BCKDHB: variants seen among roughly 807,000 people sequenced by gnomAD.
BCKDHB encodes 2-oxoisovalerate dehydrogenase subunit beta, mitochondrial.
In BCKDHB, 41 loss-of-function variants were observed where a neutral mutation model predicts 48.5. The observed-to-expected ratio is 0.85, with a 90% CI of 0.66 to 1.10. The LOEUF is 1.10. BCKDHB is among the 50% of genes least tolerant of loss of function. The pLI, the probability that BCKDHB is intolerant of heterozygous loss-of-function variation, is 0.00. For synonymous variants in BCKDHB, 201 were observed against 174.8 expected (o/e 1.15, Z -1.18); for missense variants, 496 against 494.2 (o/e 1.00, Z -0.03).
chr6:80,447,875 A>T, the BCKDHB span, among the ~76,000 whole-genome samples: 2 of 152,168 alleles, frequency 1.3e-5, no homozygotes, highest in Non-Finnish European at 2.9e-5. Context: ...AGACATGGAA[A>T]CAAGTTTGGT....
chr6:80,250,353 T>G (rs1179089700), intron 8 of BCKDHB, among the ~76,000 whole-genome samples: 1 of 152,172 alleles, frequency 6.6e-6, no homozygotes, highest in Non-Finnish European at 1.5e-5. Context: ...AGTCCCAGCC[T>G]CTGTCTCAAT....
the BCKDHB span, chr6:80,373,973 C>A: frequency 3.5e-6 from 2 of 563,492 alleles, no homozygotes; most frequent in South Asian, 1.5e-5. Flanking sequence ...CATTCTGTGT[C>A]TTTTCTTTTT....
chr6:80,410,905 G>C, the BCKDHB span, among the ~76,000 whole-genome samples: 1 of 152,090 alleles, frequency 6.6e-6, no homozygotes, highest in Non-Finnish European at 1.5e-5. Context: ...CCTTTAGCTT[G>C]GAGAAGTTTG....
chr6:80,245,841 C>T (rs111790748), intron 8 of BCKDHB, among the ~76,000 whole-genome samples: 55 of 152,112 alleles, frequency 3.6e-4, no homozygotes, highest in African/African-American at 1.1e-3. Context: ...GTTGGGAGGC[C>T]GAGGCAGGTG....
intron 1 of BCKDHB, among the ~76,000 whole-genome samples, chr6:80,110,259 G>C (rs189444797): frequency 6.6e-6 from 1 of 152,276 alleles, no homozygotes; most frequent in East Asian, 1.9e-4. Context: ...GTCATTCTCT[G>C]CATTTTTATT....
At chr6:80,273,365 A>AT (rs931831898) in intron 9 of BCKDHB, 144 bp downstream of exon 9, 8 of 643,744 alleles carry the variant, frequency 1.2e-5, no homozygotes, top group African/African-American at 5.5e-5. Context: ...TGATAAGTAA[A>AT]TTTTTTTTCA....
chr6:80,150,060 T>C (rs1771695219), intron 3 of BCKDHB, among the ~76,000 whole-genome samples: 1 of 152,094 alleles, frequency 6.6e-6, no homozygotes, highest in Non-Finnish European at 1.5e-5. Context: ...TTTTCCCCCA[T>C]ATTCTTGGCT....
the BCKDHB span, among the ~76,000 whole-genome samples, chr6:80,407,008 A>G: frequency 6.6e-6 from 1 of 152,186 alleles, no homozygotes. Context: ...TTAAGTCTTT[A>G]ATCCATCTTG....
chr6:80,108,753 G>A (rs1769263357), intron 1 of BCKDHB, among the ~76,000 whole-genome samples: 1 of 151,950 alleles, frequency 6.6e-6, no homozygotes, highest in African/African-American at 2.4e-5. Context: ...CCAGCTACTC[G>A]GGAGGCTGAG....
chr6:80,134,975 C>A (rs1206783213), intron 3 of BCKDHB, among the ~76,000 whole-genome samples: 2 of 152,096 alleles, frequency 1.3e-5, no homozygotes, highest in East Asian at 3.9e-4. Flanking sequence ...TGGTCTCGAC[C>A]TCCTGACCTC....
chr6:80,410,326 T>G, the BCKDHB span, among the ~76,000 whole-genome samples: 1 of 152,360 alleles, frequency 6.6e-6, no homozygotes, highest in Admixed American at 6.5e-5. Flanking sequence ...ACTGTTAGTC[T>G]GATGGGCTTC....
At chr6:80,296,682 A>AAAC (rs1767270476) in intron 9 of BCKDHB, among the ~76,000 whole-genome samples, 1 of 152,152 alleles carries the variant, frequency 6.6e-6, no homozygotes, top group South Asian at 2.1e-4. Flanking sequence ...GATCAGTGCT[A>AAAC]TGAAAAACCT....
the BCKDHB span, among the ~76,000 whole-genome samples, chr6:80,384,032 T>A: frequency 1.0e-5 from 1 of 98,016 alleles, no homozygotes; most frequent in Non-Finnish European, 2.2e-5. Flanking sequence ...ATAGTTTTTT[T>A]CCCCCAGGAA....
intron 8 of BCKDHB, among the ~76,000 whole-genome samples, chr6:80,271,850 C>CTT (rs11455436): frequency 0.018 from 2,709 of 148,922 alleles, 31 homozygotes; most frequent in Middle Eastern, 0.073. Context: ...ATTGTCAAAT[C>CTT]TTTTTTTTTT....
At chr6:80,232,279 C>CTT (rs879591084) in intron 8 of BCKDHB, among the ~76,000 whole-genome samples, 1 of 146,088 alleles carries the variant, frequency 6.8e-6, no homozygotes, top group African/African-American at 2.5e-5. Flanking sequence ...TTCTTTAACC[C>CTT]TTTTTTTTTT....
chr6:80,336,496 C>CAAAAAAAA (rs1769599756), intron 9 of BCKDHB, among the ~76,000 whole-genome samples: 2 of 142,498 alleles, frequency 1.4e-5, no homozygotes, highest in African/African-American at 5.1e-5. Context: ...CAAAAAAAAC[C>CAAAAAAAA]AAAAAAACAA....
chr6:80,455,497 G>A, the BCKDHB span, among the ~76,000 whole-genome samples: 3 of 151,148 alleles, frequency 2.0e-5, no homozygotes, highest in Admixed American at 6.6e-5. Context: ...GGCATTCATA[G>A]TAGCAGACTA....
chr6:80,131,655 T>G (rs117083435), intron 3 of BCKDHB, among the ~76,000 whole-genome samples: 1,940 of 152,194 alleles, frequency 0.013, 18 homozygotes, highest in Non-Finnish European at 0.021. Flanking sequence ...ACTTTTTTTT[T>G]TTTTTGAGAT....
At chr6:80,389,361 C>T in the BCKDHB span, among the ~76,000 whole-genome samples, 1 of 152,236 alleles carries the variant, frequency 6.6e-6, no homozygotes, top group East Asian at 1.9e-4. Flanking sequence ...CAGAGACCAA[C>T]ACTGAGCCCT....
Sources: gnomAD v4.1 joint callset for allele counts (sites outside exome capture counted in the v4.1 genomes callset) on GRCh38, gnomAD v4.1.1 for gene constraint, MANE v1.5 for transcripts, NCBI Gene and HGNC (gene_info 2026-07-23, HGNC 2026-07-21) for gene names.